The following NOX5 variants were observed in gnomAD, a reference collection of about 807,000 sequenced individuals.
NOX5 encodes the protein NADPH oxidase 5.
Under a neutral mutation model 85.7 loss-of-function variants are expected in NOX5, and 76 were observed. The observed-to-expected ratio is 0.89, with a 90% CI of 0.74 to 1.07. The LOEUF is 1.07. Among genes scored for constraint, NOX5 ranks in the 50% least tolerant of loss-of-function variants. NOX5 has a pLI of 0.00. For missense variants in NOX5, 973 were observed against 999.5 expected (o/e 0.97, Z 0.36); for synonymous variants, 405 against 401.4 (o/e 1.01, Z -0.11).
At chr15:69,045,536 T>TC (rs1555437202) in intron 10 of NOX5, among the ~76,000 whole-genome samples, 1 of 94,558 alleles carries the variant, frequency 1.1e-5, no homozygotes, top group Non-Finnish European at 1.9e-5. Context: ...TTCCTTTCTT[T>TC]TTTCTTTCTT....
Position 69,058,389 on chromosome 15 carries a change from G to A in NOX5, c.*1693G>A, listed in dbSNP as rs145382924. On this transcript the variant is annotated 3_prime_UTR_variant, in exon 16 of 16. Coordinates refer to ENST00000388866, the MANE Select transcript of NOX5 (RefSeq NM_024505.4). The stretch of plus-strand genomic sequence containing the variant: ...TCTTCTGAAAGGGGCAATAGGAAGG[G>A]GATGGTGGAGGAAGACGCTGAGGCA... The A allele has an allele frequency of 2.7e-4, 42 of 153,246 alleles. No individual in the cohort carries two copies. In the East Asian group the frequency reaches 8.1e-3, roughly 30 times the overall value. 9.5% of individuals were successfully genotyped at this position (153,246 alleles called of 1,614,324 possible).
intron 10 of NOX5, 34 bp downstream of exon 10, chr15:69,042,839 G>T (rs1438789934): frequency 6.2e-7 from 1 of 1,602,080 alleles, no homozygotes; most frequent in Non-Finnish European, 8.5e-7. Flanking sequence ...GGTCCACTCT[G>T]CTGGCAAGTC....
Position 69,054,396 on chromosome 15 carries a change from G to A in NOX5, c.2000-938G>A, listed in dbSNP as rs577334397. Among the ~76,000 whole-genome samples, 3 of 152,224 alleles carry A rather than the reference G, an allele frequency of 2.0e-5. No individual in the cohort carries two copies. In the South Asian group the frequency reaches 6.2e-4, roughly 32 times the overall value. ...TTCCCCATCTCTTCAGCTCTCTGAT[G>A]CCCTTCCTAAAGTGCTGTTTCATTA... is the stretch of plus-strand genomic sequence containing the variant. On this transcript the variant is annotated intron_variant, in intron 14 of 15. Coordinates refer to ENST00000388866, the MANE Select transcript of NOX5 (RefSeq NM_024505.4).
chr15:69,049,188 G>C, intron 14 of NOX5, 130 bp downstream of exon 14: 2 of 443,056 alleles, frequency 4.5e-6, no homozygotes, highest in Non-Finnish European at 7.7e-6. Flanking sequence ...AGTGAACCCA[G>C]AGTCTTTTTT....
At chr15:69,016,087 G>A (rs1003005394) in intron 1 of NOX5, among the ~76,000 whole-genome samples, 2 of 152,206 alleles carry the variant, frequency 1.3e-5, no homozygotes, top group Non-Finnish European at 2.9e-5. Flanking sequence ...GCTGTGGGCT[G>A]CTTCTGGTAC....
At chr15:69,022,466 CG>C in intron 1 of NOX5, 1 of 176,466 alleles carries the variant, frequency 5.7e-6, no homozygotes, top group Non-Finnish European at 1.2e-5. Context: ...TTCTGGGACC[CG>C]CAAGTGGAGG....
intron 5 of NOX5, among the ~76,000 whole-genome samples, chr15:69,034,132 G>A (rs1364973487): frequency 6.6e-6 from 1 of 152,142 alleles, no homozygotes; most frequent in African/African-American, 2.4e-5. Flanking sequence ...GATGAGCAGG[G>A]ATGCCCATCT....
At chr15:69,014,847 C>T in intron 1 of NOX5, 62 bp downstream of exon 1, 2 of 1,230,182 alleles carry the variant, frequency 1.6e-6, no homozygotes, top group Non-Finnish European at 2.3e-6. Flanking sequence ...GATTATTTGC[C>T]TTTGTGGGAT....
intron 2 of NOX5, among the ~76,000 whole-genome samples, chr15:69,027,351 C>T (rs1289815871): frequency 6.6e-6 from 1 of 152,168 alleles, no homozygotes; most frequent in Admixed American, 6.5e-5. Flanking sequence ...TGTAAAACAT[C>T]TTAAGACAAA....
intron 4 of NOX5, 35 bp downstream of exon 4, chr15:69,031,847 G>A: frequency 1.3e-6 from 2 of 1,562,794 alleles, no homozygotes; most frequent in South Asian, 2.3e-5. Context: ...CACTGTCCAC[G>A]GCGGCGTTAG....
chr15:69,055,202 A>T, intron 14 of NOX5, 132 bp from the exon 15 acceptor site: 1 of 929,804 alleles, frequency 1.1e-6, no homozygotes, highest in Non-Finnish European at 1.6e-6. Flanking sequence ...GGCACTGGTT[A>T]CACAACAGAT....
At chr15:69,026,400 T>G in intron 1 of NOX5, 128 bp from the exon 2 acceptor site, 1 of 1,124,624 alleles carries the variant, frequency 8.9e-7, no homozygotes, top group South Asian at 1.5e-5. Context: ...CCAGAACTGA[T>G]TGACCCGATT....
chr15:69,031,592 C>G lies in NOX5; in HGVS notation c.400C>G (p.Leu134Val). ...GAGPHWASSP[L>V]GTGSGSIDPD... ...AGGCCCGCACTGGGCTTCATCCCCA[C>G]TCGGGACAGGCAGTGGCTCCATTGA... Residue 134 changes from leucine (L) to valine (V), a missense_variant, in exon 4 of 16, where the codon CTC (leucine) becomes GTC (valine). Coordinates refer to ENST00000388866, the MANE Select transcript of NOX5 (RefSeq NM_024505.4). The G allele has an allele frequency of 6.2e-7, 1 of 1,613,176 alleles. No individual in the cohort carries two copies. The highest frequency in any genetic ancestry group is 1.1e-5 in the South Asian group (1 of 91,082).
chr15:69,056,219 A>G (rs2050810416), intron 15 of NOX5, among the ~76,000 whole-genome samples: 1 of 152,172 alleles, frequency 6.6e-6, no homozygotes, highest in Middle Eastern at 3.2e-3. Context: ...CTCCCATGGG[A>G]GTCCCAGAGC....
intron 2 of NOX5, 57 bp from the exon 3 acceptor site, chr15:69,028,158 T>A: frequency 6.6e-7 from 1 of 1,515,996 alleles, no homozygotes; most frequent in Non-Finnish European, 8.9e-7. Flanking sequence ...GTGAACAAAT[T>A]CAAAGCCCAG....
chr15:69,023,167 C>T (rs889563394), intron 1 of NOX5: 13 of 329,344 alleles, frequency 3.9e-5, no homozygotes, highest in South Asian at 2.6e-4. Context: ...ACTGAAGCCA[C>T]GGAGACTGTA....
In NOX5 at chr15:69,060,841, G is replaced by C. The variant is rs2050864535; in HGVS notation, c.*4145G>C. On this transcript the variant is annotated 3_prime_UTR_variant, in exon 16 of 16. Coordinates refer to ENST00000388866, the MANE Select transcript of NOX5 (RefSeq NM_024505.4). ...AGAAGCCAGCCTTAATCTGTCTTGG[G>C]CCCAGACAGCCCTTATCTGTTGGGG... The C allele has an allele frequency of 6.6e-6, 1 of 152,200 alleles. No homozygotes were observed. The highest frequency in any genetic ancestry group is 6.5e-5 in the Admixed American group (1 of 15,280). 9.4% of individuals were successfully genotyped at this position (152,200 alleles called of 1,614,324 possible).
chr15:69,044,342 C>G (rs2050635713), intron 10 of NOX5, among the ~76,000 whole-genome samples: 1 of 152,158 alleles, frequency 6.6e-6, no homozygotes, highest in African/African-American at 2.4e-5. Flanking sequence ...TCACTGCTTA[C>G]CTTCTGGTGG....
chr15:69,017,802 A>T (rs1335640719), intron 1 of NOX5, among the ~76,000 whole-genome samples: 1 of 150,860 alleles, frequency 6.6e-6, no homozygotes, highest in Non-Finnish European at 1.5e-5. Context: ...ACACACACAC[A>T]CTCAAATACA....
Sources: allele counts gnomAD v4.1 joint callset (sites outside exome capture counted in the v4.1 genomes callset), GRCh38; gene constraint gnomAD v4.1.1; transcripts MANE v1.5; gene names NCBI Gene and HGNC (gene_info 2026-07-23, HGNC 2026-07-21).